CA10: variants seen among roughly 807,000 people sequenced by gnomAD.
The protein encoded by CA10 is carbonic anhydrase 10 (inactive).
In CA10, 14 loss-of-function variants were observed where a neutral mutation model predicts 44.2. The ratio of observed to expected loss-of-function variants is 0.32; its 90% confidence interval spans 0.21 to 0.50. The LOEUF (loss-of-function observed/expected upper bound fraction) is 0.50. CA10 is among the 20% of genes least tolerant of loss of function. The probability of loss-of-function intolerance (pLI) is 0.99; values close to 1 mark genes in which losing one functional copy is unlikely to be tolerated. For synonymous variants in CA10, 159 were observed against 141.6 expected, an observed-to-expected ratio of 1.12 and a Z score of -0.87; for missense variants, 350 against 409.7, an observed-to-expected ratio of 0.85 and a Z score of 1.26.
chr17:51,689,726 A>T (rs1171474154), intron 4 of CA10, among the ~76,000 whole-genome samples: 1 of 152,150 alleles, frequency 6.6e-6, no homozygotes, highest in African/African-American at 2.4e-5. Flanking sequence ...TGCAGGCAAC[A>T]TGCCTTTTCT....
intron 1 of CA10, among the ~76,000 whole-genome samples, chr17:52,092,507 G>A (rs1023809899): frequency 3.3e-5 from 5 of 152,130 alleles, no homozygotes; most frequent in African/African-American, 1.2e-4. Flanking sequence ...ATGTGGACAT[G>A]CTTGCAGAGT....
chr17:51,831,733 A>AGCAGCAGCAGCAGCCGCCGCCGCAGC (rs1567854687), intron 3 of CA10, among the ~76,000 whole-genome samples: 1 of 121,522 alleles, frequency 8.2e-6, no homozygotes, highest in African/African-American at 4.1e-5. Context: ...GCAGCAGCAG[A>AGCAGCAGCAGCAGCCGCCGCCGCAGC]AAAAGACCTT....
intron 2 of CA10, among the ~76,000 whole-genome samples, chr17:51,972,715 T>G (rs1386098405): frequency 1.3e-5 from 2 of 151,990 alleles, no homozygotes; most frequent in Non-Finnish European, 2.9e-5. Flanking sequence ...TGTGCTAATC[T>G]TTTCACCTCT....
chr17:52,149,560 C>A (rs1989660193), intron 1 of CA10, among the ~76,000 whole-genome samples: 1 of 152,150 alleles, frequency 6.6e-6, no homozygotes, highest in South Asian at 2.1e-4. Context: ...GCTGGAAATC[C>A]TTTAAAGGTC....
intron 4 of CA10, among the ~76,000 whole-genome samples, chr17:51,695,591 G>A (rs751998060): frequency 6.6e-6 from 1 of 151,884 alleles, no homozygotes; most frequent in African/African-American, 2.4e-5. Context: ...GGGTTTTCTA[G>A]GTATCATATC....
intron 3 of CA10, among the ~76,000 whole-genome samples, chr17:51,823,522 G>A (rs571231656): frequency 4.6e-5 from 7 of 150,674 alleles, no homozygotes; most frequent in East Asian, 1.9e-4. Flanking sequence ...CTGTTCTCTC[G>A]GGAAGGAACA....
At chr17:51,917,428 G>A (rs1416410309) in intron 3 of CA10, among the ~76,000 whole-genome samples, 4 of 152,226 alleles carry the variant, frequency 2.6e-5, no homozygotes, top group Admixed American at 2.6e-4. Context: ...CGCTTAGGAG[G>A]TCCCTGTGTA....
intron 2 of CA10, among the ~76,000 whole-genome samples, chr17:51,978,408 G>C (rs1168118261): frequency 6.6e-6 from 1 of 151,644 alleles, no homozygotes; most frequent in Admixed American, 6.6e-5. Flanking sequence ...GTGTGTGTGT[G>C]TGTGTCTGTG....
intron 2 of CA10, among the ~76,000 whole-genome samples, chr17:51,931,667 G>A (rs1247152258): frequency 1.3e-5 from 2 of 152,108 alleles, no homozygotes; most frequent in Non-Finnish European, 2.9e-5. Context: ...CAAGAGCTTA[G>A]CAACTTGACT....
At chr17:51,814,954 A>T (rs1228362811) in intron 3 of CA10, among the ~76,000 whole-genome samples, 2 of 152,188 alleles carry the variant, frequency 1.3e-5, no homozygotes, top group Non-Finnish European at 2.9e-5. Flanking sequence ...CCAAAGGTAC[A>T]GGGGTGGGAG....
intron 2 of CA10, among the ~76,000 whole-genome samples, chr17:52,043,486 A>G (rs1986827533): frequency 1.3e-5 from 2 of 152,080 alleles, no homozygotes; most frequent in African/African-American, 4.8e-5. Context: ...ATTTCTATAA[A>G]TAAGATTATG....
intron 3 of CA10, among the ~76,000 whole-genome samples, chr17:51,878,008 G>T (rs1980156199): frequency 6.6e-6 from 1 of 151,708 alleles, no homozygotes; most frequent in South Asian, 2.1e-4. Context: ...GCCAGGCATG[G>T]TGGCACACGT....
At chr17:51,812,377 T>C (rs1055803341) in intron 3 of CA10, among the ~76,000 whole-genome samples, 5 of 152,234 alleles carry the variant, frequency 3.3e-5, no homozygotes, top group Admixed American at 3.3e-4. Context: ...CTACTGTGCA[T>C]CTGTTTCCAA....
chr17:51,984,662 GA>G (rs915272580), intron 2 of CA10, among the ~76,000 whole-genome samples: 21 of 151,754 alleles, frequency 1.4e-4, no homozygotes, highest in African/African-American at 4.6e-4. Flanking sequence ...ACCTCACTAA[GA>G]AACAAAACAG....
chr17:51,858,631 A>C (rs1979159625), intron 3 of CA10, among the ~76,000 whole-genome samples: 1 of 152,196 alleles, frequency 6.6e-6, no homozygotes, highest in South Asian at 2.1e-4. Context: ...GTGCACCAAC[A>C]ATTACATTTT....
intron 2 of CA10, among the ~76,000 whole-genome samples, chr17:51,975,215 ACAGAG>A (rs1984420740): frequency 6.6e-6 from 1 of 152,210 alleles, no homozygotes; most frequent in East Asian, 1.9e-4. Context: ...AGTTGAAGTA[ACAGAG>A]CAAACAGAAC....
intron 1 of CA10, among the ~76,000 whole-genome samples, chr17:52,117,887 G>A (rs1026582391): frequency 2.6e-5 from 4 of 152,174 alleles, no homozygotes; most frequent in Admixed American, 1.3e-4. Flanking sequence ...CATTGTGGAA[G>A]GTTTCTAAGA....
rs76981464 is a variant in CA10 at position 51,913,306 on chromosome 17, T to G, written c.279+17684A>C. ...AGGGGGGAGGAAATGCACCAATTTT[T>G]GGCAGTTGAAGAACTGAAGGCAGGG... is the stretch of plus-strand genomic sequence containing the variant. On this transcript the variant is annotated intron_variant, in intron 3 of 8. Coordinates refer to ENST00000451037, the MANE Select transcript of CA10 (RefSeq NM_020178.5). 8.5e-3 allele frequency among the ~76,000 whole-genome samples: 1,287 copies of G among 152,262 alleles called. 17 individuals carry two copies. The highest frequency in any genetic ancestry group is 0.03 in the African/African-American group (1,232 of 41,552).
intron 3 of CA10, among the ~76,000 whole-genome samples, chr17:51,830,433 A>C (rs1258459293): frequency 4.6e-5 from 7 of 151,928 alleles, no homozygotes; most frequent in Admixed American, 1.3e-4. Flanking sequence ...TAAAAAAAAA[A>C]CAAACAATTT....
Sources: gnomAD v4.1 joint callset for allele counts (sites outside exome capture counted in the v4.1 genomes callset) on GRCh38, gnomAD v4.1.1 for gene constraint, MANE v1.5 for transcripts, NCBI Gene and HGNC (gene_info 2026-07-23, HGNC 2026-07-21) for gene names.